The following CLPP variants were observed in gnomAD, a reference collection of about 807,000 sequenced individuals.
CLPP encodes the protein caseinolytic mitochondrial matrix peptidase proteolytic subunit.
CLPP carries 14 observed loss-of-function variants against 27.4 expected under a neutral mutation model. The observed-to-expected ratio is 0.51, with a 90% CI of 0.34 to 0.80. The LOEUF is 0.80. CLPP is among the 30% of genes least tolerant of loss of function. The probability of loss-of-function intolerance (pLI) is 0.02; values close to 1 mark genes in which losing one functional copy is unlikely to be tolerated. For synonymous variants in CLPP, 193 were observed against 166.6 expected, an observed-to-expected ratio of 1.16 and a Z score of -1.22; for missense variants, 361 against 403.6, an observed-to-expected ratio of 0.89 and a Z score of 0.90.
At position 6,361,712 on chromosome 19, in the gene CLPP, G is replaced by A. The variant is rs1354608548; in HGVS notation, c.138G>A (p.Arg46=). 1.3e-6 allele frequency: 2 copies of A among 1,505,082 alleles called. No homozygotes were observed. The highest frequency in any genetic ancestry group is 2.1e-5 in the Admixed American group (1 of 47,560). The allele number at this position is 1,505,082 out of a possible 1,614,324, so 93.2% of individuals were successfully genotyped here. Reference sequence around the variant, plus strand: ...TCCAGAACGGCCTGGCCCTGCAGCGGTGCCTGCACGCGACGGCGACCCGGG... The same window carrying A: ...TCCAGAACGGCCTGGCCCTGCAGCGATGCCTGCACGCGACGGCGACCCGGG... ...RTLQNGLALQ[R]CLHATATRAL... The change falls in exon 1 of 6, where the codon CGG becomes CGA. Residue 46 remains arginine (R), a synonymous_variant. Transcript: ENST00000245816.
At position 6,364,467 on chromosome 19, in the gene CLPP, C is replaced by G. The variant is rs934543681; in HGVS notation, c.383C>G (p.Ala128Gly). 1 of 1,608,596 alleles carries G rather than the reference C, an allele frequency of 6.2e-7. No individual in the cohort carries two copies. Among genetic ancestry groups the G allele is most frequent in the Non-Finnish European group, 8.5e-7 (1 of 1,178,744 alleles). ...CCGCCCACAGGTGGTGTGGTGACCGCGGGCCTGGCCATCTACGACACGATG... is the reference window on the plus strand; with the variant it reads ...CCGCCCACAGGTGGTGTGGTGACCGGGGGCCTGGCCATCTACGACACGATG... ...YINSPGGVVT[A>G]GLAIYDTMQY... is the part of the protein sequence containing the mutation. The change falls in exon 4 of 6, where the codon GCG becomes GGG. Residue 128 changes from alanine to glycine, a missense_variant. By Grantham distance (60) the Ala-to-Gly change is moderately conservative (BLOSUM62 0). This residue lies in a region of CLPP where 213 missense variants were observed against 280.9 expected (regional missense o/e 0.76). Transcript: ENST00000245816.
At chr19:6,365,898 C>G (rs1247285658) in intron 4 of CLPP, among the ~76,000 whole-genome samples, 2 of 151,200 alleles carry the variant, frequency 1.3e-5, no homozygotes, top group Non-Finnish European at 2.9e-5. Context: ...AGGAGGATCA[C>G]TTGAGGCCGG....
intron 2 of CLPP, 95 bp from the exon 3 acceptor site, chr19:6,362,351 G>T (rs1031259033): frequency 1.2e-6 from 1 of 828,530 alleles, no homozygotes; most frequent in Non-Finnish European, 2.1e-6. Flanking sequence ...TTGGGCTCTG[G>T]TCCCCCTTCC....
chr19:6,367,591 G>T (rs1214796090), intron 5 of CLPP, among the ~76,000 whole-genome samples: 6 of 152,058 alleles, frequency 3.9e-5, no homozygotes, highest in East Asian at 1.9e-4. Context: ...TGGGGTTTCA[G>T]GGGTGCTGGC....
chr19:6,366,229 A>T, intron 4 of CLPP, 29 bp from the exon 5 acceptor site: 1 of 1,512,022 alleles, frequency 6.6e-7, no homozygotes, highest in Non-Finnish European at 9.1e-7. Context: ...ACCAACCTTT[A>T]CCCCCTCACT....
intron 3 of CLPP, among the ~76,000 whole-genome samples, chr19:6,363,072 T>A (rs564680431): frequency 1.1e-4 from 16 of 151,488 alleles, no homozygotes; most frequent in Admixed American, 3.9e-4. Flanking sequence ...GTAGATTTTT[T>A]CCCCCTCCCC....
In CLPP at chr19:6,361,578, T is replaced by C. The variant is rs1337235423; in HGVS notation, c.4T>C (p.Trp2Arg). M[W>R]PGILVGGARV... ...GCCGACCGGGGCGTGCGGAGGGATG[T>C]GGCCCGGAATATTGGTAGGGGGGGC... Residue 2 changes from tryptophan (W) to arginine (R), a missense_variant, in exon 1 of 6, where the codon TGG becomes CGG. Physicochemically the swap from Trp to Arg is moderately radical, Grantham distance 101 (BLOSUM62 -3). Around this residue, in one of 2 missense-constraint regions of CLPP, gnomAD observed 148 missense variants for 122.6 expected, o/e 1.21. Transcript: ENST00000245816. The C allele has an allele frequency of 1.4e-6, 2 of 1,406,050 alleles. No individual in the cohort carries two copies. Among genetic ancestry groups the C allele is most frequent in the East Asian group, 2.9e-5 (1 of 34,710 alleles). The allele number at this position is 1,406,050 out of a possible 1,614,324, so 87.1% of individuals were successfully genotyped here. A position where few individuals can be genotyped will look rare whatever the true frequency, so the allele number is the denominator to read the frequency against.
At position 6,368,677 on chromosome 19, in the gene CLPP, G is replaced by A. The variant is rs112620134; in HGVS notation, c.801G>A (p.Ala267=). The part of the protein sequence containing the change: ...TLVQKEPVEA[A]PAAEPVPAST ...TGCAGAAGGAGCCTGTAGAAGCAGC[G>A]CCGGCAGCAGAACCTGTCCCAGCTA... The change falls in exon 6 of 6, where the codon GCG becomes GCA. Residue 267 remains alanine, a synonymous_variant. Coordinates refer to ENST00000245816, the MANE Select transcript of CLPP (RefSeq NM_006012.4). 17,259 of 1,566,892 alleles carry A rather than the reference G, an allele frequency of 0.011. 100 individuals carry two copies. The highest frequency in any genetic ancestry group is 0.013 in the Non-Finnish European group (14,745 of 1,155,820).
rs1319249207 is a variant in CLPP at position 6,362,530 on chromosome 19, A to G, written c.355A>G (p.Ile119Val). ...CAACAAGAAGCCCATCCACATGTAC[A>G]TCAACAGCCCTGGTGAGCAGGGTCT... ...ESNKKPIHMY[I>V]NSPGGVVTAG... Residue 119 changes from isoleucine to valine, a missense_variant, in exon 3 of 6, where the codon ATC (isoleucine) becomes GTC (valine). By Grantham distance (29) the Ile-to-Val change is conservative (BLOSUM62 3). This residue lies in a region of CLPP where 213 missense variants were observed against 280.9 expected (regional missense o/e 0.76). Coordinates refer to ENST00000245816, the MANE Select transcript of CLPP (RefSeq NM_006012.4). 22 of 1,612,598 alleles carry G rather than the reference A, an allele frequency of 1.4e-5. No individual in the cohort carries two copies. Among genetic ancestry groups the G allele is most frequent in the Non-Finnish European group, 1.9e-5 (22 of 1,178,834 alleles).
Position 6,361,597 on chromosome 19 carries a change from G to T in CLPP, c.23G>T (p.Gly8Val), listed in dbSNP as rs1191663713. Residue 8 changes from glycine to valine, a missense_variant, in exon 1 of 6, where the codon GGG (glycine) becomes GTG (valine). By Grantham distance (109) the Gly-to-Val change is moderately radical (BLOSUM62 -3). Coordinates refer to ENST00000245816, the MANE Select transcript of CLPP (RefSeq NM_006012.4). ...GGGATGTGGCCCGGAATATTGGTAG[G>T]GGGGGCCCGGGTGGCGTCATGCAGG... is the stretch of plus-strand genomic sequence containing the variant. MWPGILV[G>V]GARVASCRYP... 15 of 1,413,414 alleles carry T rather than the reference G, an allele frequency of 1.1e-5. No homozygotes were observed. The South Asian group carries it at 1.3e-4, about 12-fold the overall frequency. The allele number at this position is 1,413,414 out of a possible 1,614,324, so 87.6% of individuals were successfully genotyped here.
intron 5 of CLPP, among the ~76,000 whole-genome samples, chr19:6,366,878 G>C (rs2091865124): frequency 2.6e-5 from 4 of 151,802 alleles, no homozygotes; most frequent in Admixed American, 2.6e-4. Context: ...TGATCCAGCT[G>C]CCTCAGCCTC....
In CLPP at chr19:6,369,120, GT is replaced by G. The variant is rs2091875729; in HGVS notation, c.*412del. 6.6e-6 allele frequency among the ~76,000 whole-genome samples: 1 copy of G among 152,080 alleles called. No homozygotes were observed. The highest frequency in any genetic ancestry group is 1.5e-5 in the Non-Finnish European group (1 of 68,024). On this transcript the variant is annotated 3_prime_UTR_variant, in exon 6 of 6. Coordinates refer to ENST00000245816, the MANE Select transcript of CLPP (RefSeq NM_006012.4). ...AGCTCCATTCTTGTGGCAGTAGACA[GT>G]TACTAAAAAAAACAAAACAGGCCAG...
intron 4 of CLPP, 151 bp from the exon 5 acceptor site, chr19:6,366,107 G>A: frequency 1.7e-6 from 1 of 604,154 alleles, no homozygotes; most frequent in East Asian, 2.8e-5. Flanking sequence ...ACTGAAGCAG[G>A]ATATCGGGGG....
chr19:6,367,352 G>C (rs1249048734), intron 5 of CLPP, among the ~76,000 whole-genome samples: 2 of 146,262 alleles, frequency 1.4e-5, no homozygotes, highest in African/African-American at 5.1e-5. Flanking sequence ...TCCAGCCTGG[G>C]TGACAAAGTG....
chr19:6,361,718 G>A lies in CLPP; in HGVS notation c.144G>A (p.Leu48=). Residue 48 remains leucine, a synonymous_variant, in exon 1 of 6, where the codon CTG becomes CTA. Coordinates refer to ENST00000245816, the MANE Select transcript of CLPP (RefSeq NM_006012.4). ...LQNGLALQRC[L]HATATRALPL... ...ACGGCCTGGCCCTGCAGCGGTGCCT[G>A]CACGCGACGGCGACCCGGGCTCTCC... is the stretch of plus-strand genomic sequence containing the variant. 1 of 1,504,856 alleles carries A rather than the reference G, an allele frequency of 6.6e-7. No individual in the cohort carries two copies. The highest frequency in any genetic ancestry group is 2.1e-5 in the Admixed American group (1 of 47,630). The allele number at this position is 1,504,856 out of a possible 1,614,324, so 93.2% of individuals were successfully genotyped here.
Position 6,368,735 on chromosome 19 carries a change from A to T in CLPP, c.*25A>T. ...AGAGCTGGGCCTCCTCTCCAGAATC[A>T]TGTGGAGGGGCCAGAGGCCTGCCAG... is the stretch of plus-strand genomic sequence containing the variant. On this transcript the variant is annotated 3_prime_UTR_variant, in exon 6 of 6. Transcript: ENST00000245816. The T allele has an allele frequency of 6.5e-7, 1 of 1,546,010 alleles. No homozygotes were observed.
At chr19:6,363,068 T>A (rs1359887966) in intron 3 of CLPP, among the ~76,000 whole-genome samples, 2 of 151,710 alleles carry the variant, frequency 1.3e-5, no homozygotes, top group Non-Finnish European at 2.9e-5. Context: ...ATTGGTAGAT[T>A]TTTTCCCCCT....
At chr19:6,366,588 C>T (rs1281299663) in intron 5 of CLPP, among the ~76,000 whole-genome samples, 1 of 152,028 alleles carries the variant, frequency 6.6e-6, no homozygotes, top group Non-Finnish European at 1.5e-5. Flanking sequence ...GAGGCTGAGG[C>T]AGGAGAATCT....
At chr19:6,362,352 T>TC in intron 2 of CLPP, 94 bp from the exon 3 acceptor site, 1 of 829,786 alleles carries the variant, frequency 1.2e-6, no homozygotes, top group Non-Finnish European at 2.1e-6. Flanking sequence ...TGGGCTCTGG[T>TC]CCCCCTTCCT....
Sources: gnomAD v4.1 joint callset for allele counts (sites outside exome capture counted in the v4.1 genomes callset) on GRCh38, gnomAD v4.1.1 for gene constraint, gnomAD v4.1.1 regional missense constraint, MANE v1.5 for transcripts, NCBI Gene and HGNC (gene_info 2026-07-23, HGNC 2026-07-21) for gene names.